Variants in ARID4A observed in about 807,000 individuals in gnomAD.
ARID4A encodes AT-rich interactive domain-containing protein 4A.
Under a neutral mutation model 148.6 loss-of-function variants are expected in ARID4A, and 39 were observed. The observed-to-expected ratio is 0.26, with a 90% CI of 0.20 to 0.34. ARID4A has a LOEUF of 0.34. ARID4A is among the 10% of genes least tolerant of loss of function. ARID4A has a pLI of 1.00. For missense variants in ARID4A, 1,265 were observed against 1,449.1 expected (o/e 0.87, Z 2.06); for synonymous variants, 475 against 481.2 (o/e 0.99, Z 0.17).
At position 58,351,097 on chromosome 14, in the gene ARID4A, G is replaced by C. The variant is rs780062230; in HGVS notation, c.1429G>C (p.Val477Leu). 1 of 1,598,056 alleles carries C rather than the reference G, an allele frequency of 6.3e-7. No individual in the cohort carries two copies. The highest frequency in any genetic ancestry group is 1.8e-5 in the Admixed American group (1 of 56,158). Reference protein sequence around the residue: ...PRGRRRIARDVNSIKKEIEEE... With the variant: ...PRGRRRIARDLNSIKKEIEEE... ...GGGACGAAGGAGAATTGCTCGAGAT[G>C]TAAATTCTATTAAAAAGGAAATTGA... Residue 477 changes from valine to leucine, a missense_variant, in exon 16 of 24, where the codon GTA (valine) becomes CTA (leucine). Around this residue, in one of 9 missense-constraint regions of ARID4A, gnomAD observed 205 missense variants for 196.9 expected, o/e 1.04. Coordinates refer to ENST00000355431, the MANE Select transcript of ARID4A (RefSeq NM_002892.4).
chr14:58,303,917 C>G (rs1355649131), intron 3 of ARID4A, among the ~76,000 whole-genome samples: 1 of 152,096 alleles, frequency 6.6e-6, no homozygotes, highest in Admixed American at 6.5e-5. Flanking sequence ...TGAGACCCAC[C>G]TGGCCAAAAT....
chr14:58,332,959 T>C (rs1419524780), intron 11 of ARID4A, among the ~76,000 whole-genome samples: 3 of 152,162 alleles, frequency 2.0e-5, no homozygotes, highest in Admixed American at 6.5e-5. Context: ...GCAGTGAACA[T>C]TGTTTTTATA....
At chr14:58,350,220 G>T (rs922672812) in intron 15 of ARID4A, among the ~76,000 whole-genome samples, 3 of 151,142 alleles carry the variant, frequency 2.0e-5, no homozygotes, top group South Asian at 2.1e-4. Flanking sequence ...AAGATAGAAA[G>T]AAATTAATTT....
intron 5 of ARID4A, among the ~76,000 whole-genome samples, chr14:58,316,750 T>C (rs183998177): frequency 1.2e-4 from 18 of 152,198 alleles, no homozygotes; most frequent in Non-Finnish European, 2.4e-4. Context: ...CTGGCTAATT[T>C]TGTATTTTTA....
chr14:58,355,737 C>T lies in ARID4A; in HGVS notation c.1853+1882C>T, dbSNP rs377636747. ...ATATCATACCAACTTTCAGTCATTA[C>T]ATTTCCAGTTGCATCACATGATAGC... On this transcript the variant is annotated intron_variant, in intron 17 of 23. Transcript: ENST00000355431. Among the ~76,000 whole-genome samples, 142 of 152,340 alleles carry T rather than the reference C, an allele frequency of 9.3e-4. 1 individual carries two copies. The highest frequency in any genetic ancestry group is 3.3e-3 in the African/African-American group (136 of 41,580).
intron 19 of ARID4A, among the ~76,000 whole-genome samples, chr14:58,363,254 G>A (rs564550324): frequency 6.6e-6 from 1 of 152,254 alleles, no homozygotes; most frequent in East Asian, 1.9e-4. Context: ...AGCACCATGT[G>A]GACAATATTT....
chr14:58,328,197 C>G (rs911183441), intron 8 of ARID4A, 40 bp from the exon 9 acceptor site: 4 of 1,383,024 alleles, frequency 2.9e-6, no homozygotes, highest in African/African-American at 2.9e-5. Context: ...TTTCTGAGCA[C>G]AGGAAATAGG....
intron 5 of ARID4A, among the ~76,000 whole-genome samples, chr14:58,317,442 GT>G (rs2032520130): frequency 6.7e-6 from 1 of 149,216 alleles, no homozygotes; most frequent in Non-Finnish European, 1.5e-5. Context: ...CCGCCACCAC[GT>G]CTGGCTAATT....
intron 3 of ARID4A, chr14:58,303,563 C>T (rs577350924): frequency 4.2e-5 from 20 of 470,874 alleles, no homozygotes; most frequent in Admixed American, 7.0e-5. Context: ...AAGGAGGAAA[C>T]GTCTGACTTG....
intron 11 of ARID4A, among the ~76,000 whole-genome samples, chr14:58,338,158 T>TG (rs2033924454): frequency 6.6e-6 from 1 of 152,060 alleles, no homozygotes; most frequent in African/African-American, 2.4e-5. Flanking sequence ...AATGAGTAAA[T>TG]GATAAACAAC....
rs966420537 is a variant in ARID4A at position 58,300,980 on chromosome 14, G to C, written c.7-600G>C. On this transcript the variant is annotated intron_variant, in intron 2 of 23. Transcript: ENST00000355431. Reference sequence around the variant, plus strand: ...AACGCTTATTTTTTTATACTAAGAAGATTAGTGTGGTAAACTAGGTATACC... The same window carrying C: ...AACGCTTATTTTTTTATACTAAGAACATTAGTGTGGTAAACTAGGTATACC... Among the ~76,000 whole-genome samples the C allele has an allele frequency of 5.3e-4, 80 of 152,186 alleles. 3 individuals carry two copies.
At chr14:58,359,793 A>G (rs754086638) in intron 18 of ARID4A, among the ~76,000 whole-genome samples, 1 of 152,178 alleles carries the variant, frequency 6.6e-6, no homozygotes, top group Non-Finnish European at 1.5e-5. Flanking sequence ...TTGGCCGGGC[A>G]TGGTGGCTCA....
At position 58,364,550 on chromosome 14, in the gene ARID4A, C is replaced by T; in HGVS notation, c.2461C>T (p.Pro821Ser). 1 of 1,611,008 alleles carries T rather than the reference C, an allele frequency of 6.2e-7. No individual in the cohort carries two copies. The highest frequency in any genetic ancestry group is 8.5e-7 in the Non-Finnish European group (1 of 1,179,412). The change falls in exon 20 of 24, where the codon CCT (proline) becomes TCT (serine). Residue 821 changes from proline (P) to serine (S), a missense_variant. Transcript: ENST00000355431. Reference protein sequence around the residue: ...SFGQNEAGSEPHIEAHSLELS... With the variant: ...SFGQNEAGSESHIEAHSLELS... ...TGGCCAGAATGAAGCAGGAAGTGAA[C>T]CTCATATAGAAGCTCATAGTCTTGA...
At chr14:58,305,121 CAA>C (rs1448724467) in intron 4 of ARID4A, 112 bp downstream of exon 4, 3 of 846,932 alleles carry the variant, frequency 3.5e-6, no homozygotes, top group South Asian at 4.0e-5. Context: ...AATCAGAAAA[CAA>C]TACATATGAA....
Position 58,353,723 on chromosome 14 carries a change from T to G in ARID4A, c.1721T>G (p.Leu574Arg), listed in dbSNP as rs775873056. The G allele has an allele frequency of 5.0e-5, 80 of 1,613,890 alleles. No individual in the cohort carries two copies. The highest frequency in any genetic ancestry group is 5.8e-5 in the Non-Finnish European group (69 of 1,179,974). ...EEDEEDMEPC[L>R]TGTKVKVKYG... ...GATGAGGAAGACATGGAACCCTGCC[T>G]AACAGGAACCAAAGTGAAAGTAAAA... is the stretch of plus-strand genomic sequence containing the variant. Residue 574 changes from leucine to arginine, a missense_variant, in exon 17 of 24, where the codon CTA becomes CGA. Physicochemically the swap from Leu to Arg is moderately radical, Grantham distance 102. Around this residue, in one of 9 missense-constraint regions of ARID4A, gnomAD observed 30 missense variants for 65.7 expected, o/e 0.46. Transcript: ENST00000355431.
At chr14:58,370,735 G>A (rs967226699) in intron 23 of ARID4A, among the ~76,000 whole-genome samples, 3 of 151,788 alleles carry the variant, frequency 2.0e-5, no homozygotes, top group African/African-American at 4.8e-5. Flanking sequence ...TCAGCCTCCC[G>A]AGTAGCTGGT....
chr14:58,330,885 C>T (rs1245193179), intron 11 of ARID4A, among the ~76,000 whole-genome samples: 1 of 152,060 alleles, frequency 6.6e-6, no homozygotes, highest in Non-Finnish European at 1.5e-5. Flanking sequence ...GTTGTTTATT[C>T]TGCAGTGTTG....
At chr14:58,346,857 G>A (rs2034389559) in intron 13 of ARID4A, among the ~76,000 whole-genome samples, 163 bp from the exon 14 acceptor site, 2 of 139,106 alleles carry the variant, frequency 1.4e-5, no homozygotes, top group Admixed American at 1.6e-4. Context: ...GAGCCCAGGA[G>A]GTCGAGGCTG....
intron 23 of ARID4A, among the ~76,000 whole-genome samples, chr14:58,368,033 C>T (rs143611786): frequency 3.3e-5 from 5 of 152,226 alleles, no homozygotes; most frequent in Middle Eastern, 3.4e-3. Flanking sequence ...AATTGGATCT[C>T]TTCTTCCCAT....
Sources: gnomAD v4.1 joint callset for allele counts (sites outside exome capture counted in the v4.1 genomes callset) on GRCh38, gnomAD v4.1.1 for gene constraint, gnomAD v4.1.1 regional missense constraint, MANE v1.5 for transcripts, NCBI Gene and HGNC (gene_info 2026-07-23, HGNC 2026-07-21) for gene names.